The following GRID1 variants were observed in gnomAD, a reference collection of about 807,000 sequenced individuals.
GRID1 encodes glutamate receptor ionotropic, delta-1.
A neutral mutation model predicts 98.0 loss-of-function variants in GRID1; 28 were observed. The ratio of observed to expected loss-of-function variants is 0.29; its 90% CI spans 0.21 to 0.39. GRID1 has a LOEUF of 0.39. Among genes scored for constraint, GRID1 ranks in the 10% least tolerant of loss-of-function variants. The pLI is 1.00. For missense variants in GRID1, 1,111 were observed against 1,340.5 expected (o/e 0.83, Z 2.67); for synonymous variants, 553 against 538.5 (o/e 1.03, Z -0.37).
chr10:85,934,810 G>C (rs865884781), intron 4 of GRID1, among the ~76,000 whole-genome samples: 24 of 152,278 alleles, frequency 1.6e-4, no homozygotes, highest in African/African-American at 5.1e-4. Context: ...CTCCAGGAGG[G>C]AGGAGGTGAG....
At chr10:86,184,920 C>T (rs1421610705) in intron 3 of GRID1, among the ~76,000 whole-genome samples, 1 of 152,114 alleles carries the variant, frequency 6.6e-6, no homozygotes, top group Non-Finnish European at 1.5e-5. Context: ...TGTGTTAGTC[C>T]TCCAAGTTTA....
intron 8 of GRID1, among the ~76,000 whole-genome samples, chr10:85,769,047 T>C (rs985639793): frequency 1.3e-5 from 2 of 152,184 alleles, no homozygotes; most frequent in African/African-American, 4.8e-5. Context: ...AGGAAAGTAT[T>C]GTACTTGTAA....
intron 8 of GRID1, among the ~76,000 whole-genome samples, chr10:85,810,049 AGCCACTACTGGAGTGTGCTCT>A (rs1279369536): frequency 1.3e-5 from 2 of 152,008 alleles, no homozygotes; most frequent in East Asian, 3.9e-4. Context: ...TTAAAACCAG[AGCCACTACTGGAGTGTGCTCT>A]GCCCTGGGGG....
intron 8 of GRID1, among the ~76,000 whole-genome samples, chr10:85,852,422 C>T (rs1159205183): frequency 6.6e-6 from 1 of 152,122 alleles, no homozygotes. Context: ...TAGTGCCTCC[C>T]CCTCTCTCAG....
intron 8 of GRID1, among the ~76,000 whole-genome samples, chr10:85,753,430 T>C (rs1174238338): frequency 2.0e-5 from 3 of 152,092 alleles, no homozygotes; most frequent in Admixed American, 6.5e-5. Flanking sequence ...CACTTAAGGA[T>C]TCAGAGAGTT....
At chr10:86,257,023 T>C (rs1351323843) in intron 2 of GRID1, among the ~76,000 whole-genome samples, 1 of 152,222 alleles carries the variant, frequency 6.6e-6, no homozygotes, top group East Asian at 1.9e-4. Flanking sequence ...CTAGCACTGA[T>C]ACCCTCTGAG....
chr10:86,328,917 A>G (rs1016454848), intron 2 of GRID1, among the ~76,000 whole-genome samples: 8 of 152,090 alleles, frequency 5.3e-5, no homozygotes, highest in Non-Finnish European at 5.9e-5. Context: ...ACCTCCCTGT[A>G]TAGCACTTGA....
chr10:85,646,092 G>C (rs1427863184), intron 13 of GRID1: 2 of 145,450 alleles, frequency 1.4e-5, no homozygotes, highest in East Asian at 2.1e-4. Flanking sequence ...GGAGTGGCTG[G>C]GGGGGCAGCA....
intron 4 of GRID1, among the ~76,000 whole-genome samples, chr10:86,038,938 T>C (rs1257121814): frequency 6.6e-6 from 1 of 152,170 alleles, no homozygotes; most frequent in Non-Finnish European, 1.5e-5. Flanking sequence ...CCAACGTTAT[T>C]CTTGTGGTGA....
intron 2 of GRID1, among the ~76,000 whole-genome samples, chr10:86,338,282 C>T (rs563657239): frequency 1.3e-5 from 2 of 152,004 alleles, no homozygotes; most frequent in South Asian, 2.1e-4. Flanking sequence ...AATCAGAGTC[C>T]TCTGAAGACC....
intron 4 of GRID1, among the ~76,000 whole-genome samples, chr10:86,084,316 G>T (rs1372068265): frequency 1.3e-5 from 2 of 152,072 alleles, no homozygotes; most frequent in Non-Finnish European, 1.5e-5. Context: ...TCAAAAGAAA[G>T]AAAGGAAGGA....
intron 8 of GRID1, among the ~76,000 whole-genome samples, chr10:85,774,365 A>G (rs1477620802): frequency 2.0e-5 from 3 of 152,228 alleles, no homozygotes; most frequent in Non-Finnish European, 4.4e-5. Flanking sequence ...CTAAAACCAT[A>G]AAAACCCTAG....
At chr10:85,752,221 T>TCACAG (rs761241480) in intron 8 of GRID1, among the ~76,000 whole-genome samples, 27 of 152,280 alleles carry the variant, frequency 1.8e-4, no homozygotes, top group Middle Eastern at 3.4e-3. Context: ...GGCCCTGAGT[T>TCACAG]CACAGTCTTG....
At chr10:86,227,809 C>A (rs1415044211) in intron 2 of GRID1, among the ~76,000 whole-genome samples, 1 of 152,228 alleles carries the variant, frequency 6.6e-6, no homozygotes, top group African/African-American at 2.4e-5. Flanking sequence ...GTTCCCACCA[C>A]TAGACTGTGA....
chr10:85,732,681 T>C (rs1564573516), intron 8 of GRID1, among the ~76,000 whole-genome samples: 1 of 152,156 alleles, frequency 6.6e-6, no homozygotes, highest in Non-Finnish European at 1.5e-5. Context: ...TAGCACATCC[T>C]TCAACAGGCA....
chr10:85,620,282 C>T (rs1238295336), intron 13 of GRID1, among the ~76,000 whole-genome samples: 1 of 152,182 alleles, frequency 6.6e-6, no homozygotes, highest in Non-Finnish European at 1.5e-5. Context: ...AGGGGAAGGG[C>T]AGAGGAGCTA....
At chr10:86,153,686 A>G (rs771466922) in intron 3 of GRID1, among the ~76,000 whole-genome samples, 4 of 152,186 alleles carry the variant, frequency 2.6e-5, no homozygotes, top group Non-Finnish European at 5.9e-5. Context: ...TGCTAGGAGC[A>G]ACACAGATGG....
At position 86,192,610 on chromosome 10, in the gene GRID1, G is replaced by A. The variant is rs567823116; in HGVS notation, c.520+13754C>T. On this transcript the variant is annotated intron_variant, in intron 3 of 15. Transcript: ENST00000327946. This position sits in a 1 kb window ranked among gnomAD's most constrained non-coding sequence, Gnocchi z 4.8. ...AGATGAGAACCTTCTGGAGATGAAC[G>A]GTAGTGACTGCAATATGACTGTACT... Among the ~76,000 whole-genome samples, 160 of 150,332 alleles carry A rather than the reference G, an allele frequency of 1.1e-3. 2 individuals are homozygous for A. Among genetic ancestry groups the A allele is most frequent in the African/African-American group, 3.7e-3 (153 of 41,374 alleles).
intron 2 of GRID1, among the ~76,000 whole-genome samples, chr10:86,221,799 G>A (rs1385847700): frequency 6.6e-6 from 1 of 152,170 alleles, no homozygotes; most frequent in East Asian, 1.9e-4. Flanking sequence ...AGGGAGCCTT[G>A]AAGGCAGGAC....
Sources: gnomAD v4.1 joint callset for allele counts (sites outside exome capture counted in the v4.1 genomes callset) on GRCh38, gnomAD v4.1.1 for gene constraint, Gnocchi (gnomAD v3.1) non-coding constraint, MANE v1.5 for transcripts, NCBI Gene and HGNC (gene_info 2026-07-23, HGNC 2026-07-21) for gene names.